CLIP1: variants seen among roughly 807,000 people sequenced by gnomAD.
The protein encoded by CLIP1 is CAP-Gly domain containing linker protein 1.
Under a neutral mutation model 161.6 loss-of-function variants are expected in CLIP1, and 66 were observed. That is an observed-to-expected ratio of 0.41 (90% CI 0.33 to 0.50). The LOEUF (loss-of-function observed/expected upper bound fraction) is 0.50. CLIP1 is among the 20% of genes least tolerant of loss of function. The pLI, the probability that CLIP1 is intolerant of heterozygous loss-of-function variation, is 0.27. For missense variants in CLIP1, 1,376 were observed against 1,702.0 expected (o/e 0.81, Z 3.37); for synonymous variants, 598 against 626.2 (o/e 0.96, Z 0.67).
chr12:122,363,342 A>G (rs913268940), intron 4 of CLIP1, among the ~76,000 whole-genome samples: 5 of 152,152 alleles, frequency 3.3e-5, no homozygotes, highest in Admixed American at 2.6e-4. Context: ...AAATACAAAA[A>G]TTAGCCAGGC....
intron 10 of CLIP1, among the ~76,000 whole-genome samples, chr12:122,346,695 G>T (rs983546250): frequency 6.6e-6 from 1 of 152,090 alleles, no homozygotes; most frequent in Non-Finnish European, 1.5e-5. Flanking sequence ...TAAAGACAGG[G>T]TTTCACCATG....
In CLIP1 at chr12:122,338,028, A is replaced by AG. The variant is rs551715205; in HGVS notation, c.2452-1281_2452-1280insC. On this transcript the variant is annotated intron_variant, in intron 11 of 25. Coordinates refer to ENST00000620786, the MANE Select transcript of CLIP1 (RefSeq NM_001247997.2). Reference sequence around the variant, plus strand: ...AGACTCTGTCTCAAAAAAAAAAAAAACAAAACCAAAACCAAAAAACCTTAA... The same window carrying AG: ...AGACTCTGTCTCAAAAAAAAAAAAAAGCAAAACCAAAACCAAAAAACCTTAA... Among the ~76,000 whole-genome samples the AG allele has an allele frequency of 4.0e-5, 6 of 149,990 alleles. No individual in the cohort carries two copies. In the East Asian group the frequency reaches 1.2e-3, roughly 30 times the overall value.
intron 1 of CLIP1, among the ~76,000 whole-genome samples, chr12:122,390,319 T>TATATATGTA (rs1955600901): frequency 1.5e-5 from 2 of 135,278 alleles, no homozygotes; most frequent in African/African-American, 5.4e-5. Context: ...TATATATATA[T>TATATATGTA]TATTTTTTTT....
intron 21 of CLIP1, among the ~76,000 whole-genome samples, chr12:122,281,301 G>A (rs918334414): frequency 6.6e-6 from 1 of 152,146 alleles, no homozygotes; most frequent in Middle Eastern, 3.2e-3. Flanking sequence ...CTCTTGCTTA[G>A]GTTAAAACAG....
At chr12:122,339,509 T>G (rs1383562336) in intron 11 of CLIP1, among the ~76,000 whole-genome samples, 1 of 152,098 alleles carries the variant, frequency 6.6e-6, no homozygotes, top group East Asian at 1.9e-4. Flanking sequence ...GGCTAATTTT[T>G]GTATTTTTAG....
intron 1 of CLIP1, among the ~76,000 whole-genome samples, chr12:122,420,010 T>G (rs921921774): frequency 1.2e-4 from 17 of 145,882 alleles, no homozygotes; most frequent in African/African-American, 3.8e-4. Flanking sequence ...TGTGACAGAG[T>G]GAATTTTAGC....
chr12:122,415,711 C>A (rs1206774050), intron 1 of CLIP1, among the ~76,000 whole-genome samples: 1 of 151,406 alleles, frequency 6.6e-6, no homozygotes, highest in African/African-American at 2.4e-5. Context: ...CCCAGCTACT[C>A]AAGAGGCTGA....
At chr12:122,392,093 A>C (rs1207341792) in intron 1 of CLIP1, among the ~76,000 whole-genome samples, 1 of 152,178 alleles carries the variant, frequency 6.6e-6, no homozygotes, top group Non-Finnish European at 1.5e-5. Context: ...CAACACAGTG[A>C]GACCCCCATC....
intron 18 of CLIP1, among the ~76,000 whole-genome samples, chr12:122,318,419 G>C (rs1246115357): frequency 6.6e-6 from 1 of 152,140 alleles, no homozygotes; most frequent in Non-Finnish European, 1.5e-5. Flanking sequence ...TGTAATCCCA[G>C]CTACTCGGGA....
At chr12:122,391,647 A>G (rs1955668824) in intron 1 of CLIP1, among the ~76,000 whole-genome samples, 1 of 152,220 alleles carries the variant, frequency 6.6e-6, no homozygotes, top group South Asian at 2.1e-4. Flanking sequence ...GGACATGAAA[A>G]ATAAATGACA....
chr12:122,388,291 C>G (rs1357895050), intron 1 of CLIP1, among the ~76,000 whole-genome samples: 1 of 151,754 alleles, frequency 6.6e-6, no homozygotes, highest in Non-Finnish European at 1.5e-5. Context: ...GCGATCTCGG[C>G]TCACTGCAAG....
chr12:122,313,555 C>T (rs184646117), intron 19 of CLIP1, among the ~76,000 whole-genome samples: 5 of 151,808 alleles, frequency 3.3e-5, no homozygotes, highest in Non-Finnish European at 7.4e-5. Context: ...GGAGAAACCC[C>T]GTCTCTACTA....
chr12:122,359,855 G>A (rs1289544667), intron 5 of CLIP1, among the ~76,000 whole-genome samples: 1 of 152,162 alleles, frequency 6.6e-6, no homozygotes, highest in Admixed American at 6.5e-5. Context: ...CCACCACCCA[G>A]CGGAGACCTG....
Position 122,319,333 on chromosome 12 carries a change from C to T in CLIP1, c.3265G>A (p.Glu1089Lys), listed in dbSNP as rs751565682. 1.9e-6 allele frequency: 3 copies of T among 1,613,758 alleles called. No individual in the cohort carries two copies. Among genetic ancestry groups the T allele is most frequent in the Admixed American group, 3.3e-5 (2 of 60,018 alleles). Reference sequence around the variant, plus strand: ...TGTTCCATTATCTGCATGGCATCTTCCGCTGTTTGAGCAGCCTAAATACAA... The same window carrying T: ...TGTTCCATTATCTGCATGGCATCTTTCGCTGTTTGAGCAGCCTAAATACAA... ...ADKAKAAQTA[E>K]DAMQIMEQMT... Residue 1089 changes from glutamate to lysine, a missense_variant, in exon 18 of 26, where the codon GAA becomes AAA. By Grantham distance (56) the Glu-to-Lys change is moderately conservative. Around this residue, in one of 6 missense-constraint regions of CLIP1, gnomAD observed 948 missense variants for 1,134.8 expected, o/e 0.84. Coordinates refer to ENST00000620786, the MANE Select transcript of CLIP1 (RefSeq NM_001247997.2).
Position 122,380,501 on chromosome 12 carries a change from T to A in CLIP1, c.-49A>T. 8.4e-7 allele frequency: 1 copy of A among 1,196,860 alleles called. No homozygotes were observed. The highest frequency in any genetic ancestry group is 1.2e-6 in the Non-Finnish European group (1 of 810,200). The allele number at this position is 1,196,860 out of a possible 1,614,324, so 74.1% of individuals were successfully genotyped here. On this transcript the variant is annotated 5_prime_UTR_variant, in exon 2 of 26. Coordinates refer to ENST00000620786, the MANE Select transcript of CLIP1 (RefSeq NM_001247997.2). ...TCTCCTTTGCCTGTTGCCACTATCT[T>A]TCCCCAACCATTGATACAACTGTGG... is the stretch of plus-strand genomic sequence containing the variant.
intron 23 of CLIP1, chr12:122,278,473 T>A: frequency 3.6e-6 from 2 of 548,886 alleles, no homozygotes; most frequent in Non-Finnish European, 6.4e-6. Context: ...CATCTGAATG[T>A]ACAGAGGCAA....
chr12:122,329,602 C>G (rs932325969), intron 15 of CLIP1, among the ~76,000 whole-genome samples: 61 of 151,332 alleles, frequency 4.0e-4, no homozygotes, highest in African/African-American at 1.5e-3. Context: ...TGCACTCCAG[C>G]CTGGGCGACA....
In CLIP1 at chr12:122,272,689, T is replaced by G. The variant is rs1239764866; in HGVS notation, c.*186A>C. ...AGGTGAAAACTCACCTACTAAATAT[T>G]TATTATTCTAACTCATACGGGGAGA... On this transcript the variant is annotated 3_prime_UTR_variant, in exon 26 of 26. Coordinates refer to ENST00000620786, the MANE Select transcript of CLIP1 (RefSeq NM_001247997.2). 1.7e-6 allele frequency: 1 copy of G among 582,368 alleles called. No homozygotes were observed. Among genetic ancestry groups the G allele is most frequent in the African/African-American group, 1.9e-5 (1 of 53,522 alleles). 36.1% of individuals were successfully genotyped at this position (582,368 alleles called of 1,614,324 possible).
intron 7 of CLIP1, among the ~76,000 whole-genome samples, chr12:122,353,709 C>T (rs1953169474): frequency 6.6e-6 from 1 of 152,034 alleles, no homozygotes; most frequent in South Asian, 2.1e-4. Flanking sequence ...CGGCTCACTG[C>T]CACCTCTGCC....
Sources: gnomAD v4.1 joint callset for allele counts (sites outside exome capture counted in the v4.1 genomes callset) on GRCh38, gnomAD v4.1.1 for gene constraint, gnomAD v4.1.1 regional missense constraint, MANE v1.5 for transcripts, NCBI Gene and HGNC (gene_info 2026-07-23, HGNC 2026-07-21) for gene names.